Variants in COL23A1 observed in about 807,000 individuals in gnomAD.
The protein encoded by COL23A1 is collagen alpha-1(XXIII) chain.
A neutral mutation model predicts 99.3 loss-of-function variants in COL23A1; 97 were observed. The observed-to-expected ratio is 0.98, with a 90% confidence interval of 0.83 to 1.16. COL23A1 has a LOEUF of 1.16. Ranked by LOEUF, COL23A1 falls within the 50% of genes most tolerant of loss-of-function variation. The probability of loss-of-function intolerance (pLI) is 0.00; values close to 1 mark genes in which losing one functional copy is unlikely to be tolerated. For synonymous variants in COL23A1, 320 were observed against 308.2 expected, an observed-to-expected ratio of 1.04 and a Z score of -0.40; for missense variants, 762 against 757.4, an observed-to-expected ratio of 1.01 and a Z score of -0.07.
In COL23A1 at chr5:178,549,818, AAAAC is replaced by A. The variant is rs1208307783; in HGVS notation, c.361+10860_361+10863del. On this transcript the variant is annotated intron_variant, in intron 2 of 28. Transcript: ENST00000390654. ...CAACAAGAGCAGAATCCTGTCTCAA[AAAAC>A]AAAACAAAAACAAAAACAAAAACAA... Among the ~76,000 whole-genome samples, 79 of 152,128 alleles carry A rather than the reference AAAAC, an allele frequency of 5.2e-4. 1 individual carries two copies. The highest frequency in any genetic ancestry group is 6.2e-4 in the South Asian group (3 of 4,816).
intron 2 of COL23A1, among the ~76,000 whole-genome samples, chr5:178,475,545 G>A (rs566090892): frequency 1.5e-4 from 23 of 152,166 alleles, no homozygotes; most frequent in Non-Finnish European, 2.9e-4. Context: ...ATTTGTTTGC[G>A]GCAATATAAA....
intron 2 of COL23A1, among the ~76,000 whole-genome samples, chr5:178,552,860 C>T (rs1046330576): frequency 9.9e-5 from 15 of 151,918 alleles, no homozygotes; most frequent in African/African-American, 3.4e-4. Context: ...ACTACAGGCG[C>T]GTGCCACCAC....
intron 2 of COL23A1, among the ~76,000 whole-genome samples, chr5:178,536,093 G>A (rs1437074875): frequency 6.6e-6 from 1 of 152,256 alleles, no homozygotes; most frequent in African/African-American, 2.4e-5. Context: ...TGGCTCTGAG[G>A]CCACCAGCAA....
At chr5:178,574,069 G>A (rs1464207450) in intron 1 of COL23A1, among the ~76,000 whole-genome samples, 1 of 152,070 alleles carries the variant, frequency 6.6e-6, no homozygotes, top group Admixed American at 6.5e-5. Context: ...ATGTTGACCA[G>A]GCTACTCTTG....
At chr5:178,498,211 T>C (rs866847554) in intron 2 of COL23A1, among the ~76,000 whole-genome samples, 75 of 21,244 alleles carry the variant, frequency 3.5e-3, no homozygotes, top group African/African-American at 0.029. Context: ...TTTAAATATA[T>C]ATATATATAT....
At chr5:178,408,630 TA>T (rs910197179) in intron 2 of COL23A1, among the ~76,000 whole-genome samples, 190 of 151,998 alleles carry the variant, frequency 1.3e-3, no homozygotes, top group African/African-American at 3.8e-3. Flanking sequence ...GGGAGTTTCT[TA>T]AAAAAACCCC....
chr5:178,587,061 A>G (rs1186299442), intron 1 of COL23A1, among the ~76,000 whole-genome samples: 4 of 152,248 alleles, frequency 2.6e-5, no homozygotes, highest in Non-Finnish European at 4.4e-5. Flanking sequence ...TCCTTGCATT[A>G]CATTTTTTAC....
intron 2 of COL23A1, chr5:178,344,965 A>G (rs538800484): frequency 5.6e-5 from 34 of 608,674 alleles, no homozygotes; most frequent in Admixed American, 5.4e-4. Flanking sequence ...TTGCTGAGAC[A>G]GAAGAGGTGA....
At chr5:178,464,151 G>C (rs929011837) in intron 2 of COL23A1, among the ~76,000 whole-genome samples, 1 of 152,186 alleles carries the variant, frequency 6.6e-6, no homozygotes, top group East Asian at 1.9e-4. Flanking sequence ...CCATCACCAC[G>C]TCGACTGCCA....
chr5:178,494,576 G>A (rs1369763103), intron 2 of COL23A1, among the ~76,000 whole-genome samples: 1 of 152,232 alleles, frequency 6.6e-6, no homozygotes, highest in Non-Finnish European at 1.5e-5. Context: ...CTGGGAGGCT[G>A]AGGCAGAAGA....
chr5:178,476,030 T>C (rs1757008276), intron 2 of COL23A1, among the ~76,000 whole-genome samples: 1 of 152,216 alleles, frequency 6.6e-6, no homozygotes, highest in Non-Finnish European at 1.5e-5. Context: ...ATTAGTAAAC[T>C]TAATTACAAT....
intron 20 of COL23A1, 28 bp downstream of exon 20, chr5:178,248,164 A>G: frequency 6.8e-7 from 1 of 1,474,990 alleles, no homozygotes. Flanking sequence ...GTGTTGGGGG[A>G]AGCCCTGACC....
rs150070132 is a variant in COL23A1 at position 178,377,231 on chromosome 5, C to T, written c.362-70312G>A. Among the ~76,000 whole-genome samples the T allele has an allele frequency of 7.0e-3, 1,064 of 152,342 alleles. 13 individuals are homozygous for T. Among genetic ancestry groups the T allele is most frequent in the African/African-American group, 0.024 (1,008 of 41,584 alleles). On this transcript the variant is annotated intron_variant, in intron 2 of 28. Transcript: ENST00000390654. Reference sequence around the variant, plus strand: ...AATTCCAACAGATCTTCTCCCGTAACGGGCTGGTGTTTCACATCTGTCAGA... The same window carrying T: ...AATTCCAACAGATCTTCTCCCGTAATGGGCTGGTGTTTCACATCTGTCAGA...
At chr5:178,245,854 C>T in intron 25 of COL23A1, 88 bp downstream of exon 25, 13 of 1,488,072 alleles carry the variant, frequency 8.7e-6, no homozygotes, top group Non-Finnish European at 9.4e-6. Context: ...AGGGGTCACA[C>T]TTGAGTAGCC....
intron 2 of COL23A1, among the ~76,000 whole-genome samples, chr5:178,505,567 C>G (rs1294003261): frequency 6.6e-6 from 1 of 152,120 alleles, no homozygotes; most frequent in African/African-American, 2.4e-5. Flanking sequence ...TTCCCTCTTT[C>G]ATGAGGCCAC....
intron 2 of COL23A1, among the ~76,000 whole-genome samples, chr5:178,451,064 A>G (rs186564966): frequency 1.4e-4 from 21 of 152,370 alleles, no homozygotes; most frequent in Admixed American, 1.4e-3. Context: ...GCAGAACTCA[A>G]TTATCAACTT....
intron 1 of COL23A1, among the ~76,000 whole-genome samples, chr5:178,580,330 A>G (rs1329556264): frequency 2.0e-5 from 3 of 151,088 alleles, no homozygotes; most frequent in African/African-American, 4.8e-5. Context: ...TCCATCTCAA[A>G]AAAAAAAAAA....
chr5:178,306,807 C>A lies in COL23A1; in HGVS notation c.406+68G>T, dbSNP rs1758382539. 3 of 1,198,954 alleles carry A rather than the reference C, an allele frequency of 2.5e-6. No homozygotes were observed. The highest frequency in any genetic ancestry group is 3.4e-6 in the Non-Finnish European group (3 of 893,354). The allele number at this position is 1,198,954 out of a possible 1,614,324, so 74.3% of individuals were successfully genotyped here. A position where few individuals can be genotyped will look rare whatever the true frequency, so the allele number is the denominator to read the frequency against. ...GTGGGCAGCAGGTGGCCAGGCCCTG[C>A]AGTCAGAGCCTGGGGCCATGGTGGC... On this transcript the variant is annotated intron_variant, in intron 3 of 28. Transcript: ENST00000390654. The surrounding 1 kb of genome is among the most constrained non-coding windows in gnomAD (Gnocchi z 4.1).
At chr5:178,547,192 G>GACAGTATCTGATTC (rs1421278286) in intron 2 of COL23A1, among the ~76,000 whole-genome samples, 4 of 151,576 alleles carry the variant, frequency 2.6e-5, no homozygotes, top group African/African-American at 9.8e-5. Context: ...CAAGTACCCC[G>GACAGTATCTGATTC]ACAGTATCTG....
Sources: allele counts gnomAD v4.1 joint callset (sites outside exome capture counted in the v4.1 genomes callset), GRCh38; gene constraint gnomAD v4.1.1; non-coding constraint Gnocchi (gnomAD v3.1); transcripts MANE v1.5; gene names NCBI Gene and HGNC (gene_info 2026-07-23, HGNC 2026-07-21).